VTI1A: variants seen among roughly 807,000 people sequenced by gnomAD.
VTI1A encodes the protein vesicle transport through interaction with t-SNAREs homolog 1A.
Under a neutral mutation model 34.9 loss-of-function variants are expected in VTI1A, and 22 were observed. The ratio of observed to expected loss-of-function variants is 0.63; its 90% CI spans 0.45 to 0.90. VTI1A has a LOEUF of 0.90. Ranked by LOEUF, VTI1A falls within the 40% of genes least tolerant of loss-of-function variation. VTI1A has a pLI of 0.00. For synonymous variants in VTI1A, 87 were observed against 97.3 expected, an observed-to-expected ratio of 0.89 and a Z score of 0.62; for missense variants, 268 against 275.6, an observed-to-expected ratio of 0.97 and a Z score of 0.20.
At chr10:112,602,416 A>G (rs539448660) in intron 5 of VTI1A, among the ~76,000 whole-genome samples, 3 of 152,354 alleles carry the variant, frequency 2.0e-5, no homozygotes, top group Admixed American at 6.5e-5. Context: ...GAAGCAGTCC[A>G]GGGCTTAAAT....
In VTI1A at chr10:112,582,931, T is replaced by C. The variant is rs577112001; in HGVS notation, c.427+44601T>C. Among the ~76,000 whole-genome samples, 14 of 152,192 alleles carry C rather than the reference T, an allele frequency of 9.2e-5. 1 individual carries two copies. The Middle Eastern group carries it at 0.02, about 222-fold the overall frequency. On this transcript the variant is annotated intron_variant, in intron 5 of 7. Coordinates refer to ENST00000393077, the MANE Select transcript of VTI1A (RefSeq NM_145206.4). ...GAAAATAAGACCCTCTAAATCTCCATCAGTGACCTGCCCAGCTTTACCACT... is the reference window on the plus strand; with the variant it reads ...GAAAATAAGACCCTCTAAATCTCCACCAGTGACCTGCCCAGCTTTACCACT...
At chr10:112,653,885 A>T (rs939723463) in intron 5 of VTI1A, among the ~76,000 whole-genome samples, 1 of 152,146 alleles carries the variant, frequency 6.6e-6, no homozygotes, top group Non-Finnish European at 1.5e-5. Context: ...CTTAGGTGGA[A>T]GTTTGGTAAA....
At chr10:112,803,929 T>C (rs879540482) in intron 7 of VTI1A, among the ~76,000 whole-genome samples, 1 of 152,166 alleles carries the variant, frequency 6.6e-6, no homozygotes, top group Non-Finnish European at 1.5e-5. Flanking sequence ...TGAAGTGAGC[T>C]GCCTTGATCC....
intron 7 of VTI1A, among the ~76,000 whole-genome samples, chr10:112,747,324 C>T (rs545432268): frequency 2.6e-5 from 4 of 152,308 alleles, no homozygotes; most frequent in African/African-American, 7.2e-5. Flanking sequence ...GAGAGTTCAT[C>T]GTTGTGCGAA....
intron 5 of VTI1A, among the ~76,000 whole-genome samples, chr10:112,555,997 A>G (rs906000394): frequency 6.6e-6 from 1 of 152,040 alleles, no homozygotes; most frequent in East Asian, 1.9e-4. Context: ...TAAGTAATCT[A>G]TAGCTCATGG....
intron 5 of VTI1A, among the ~76,000 whole-genome samples, chr10:112,541,653 T>C (rs1296765020): frequency 6.6e-6 from 1 of 152,254 alleles, no homozygotes; most frequent in Non-Finnish European, 1.5e-5. Context: ...TAATAAATAA[T>C]GAAATCCATC....
intron 5 of VTI1A, among the ~76,000 whole-genome samples, chr10:112,610,570 T>C (rs1661315951): frequency 6.6e-6 from 1 of 152,224 alleles, no homozygotes; most frequent in African/African-American, 2.4e-5. Flanking sequence ...TACATTTCTT[T>C]TGTTTTGCTT....
At chr10:112,619,966 G>A (rs1845664068) in intron 5 of VTI1A, among the ~76,000 whole-genome samples, 1 of 152,136 alleles carries the variant, frequency 6.6e-6, no homozygotes, top group African/African-American at 2.4e-5. Flanking sequence ...CCCCTGGGTT[G>A]TATTTTTAAC....
chr10:112,618,977 T>C (rs1845627741), intron 5 of VTI1A, among the ~76,000 whole-genome samples: 1 of 151,864 alleles, frequency 6.6e-6, no homozygotes, highest in Non-Finnish European at 1.5e-5. Flanking sequence ...TAATTAGCTG[T>C]CAGATAACAA....
Position 112,717,114 on chromosome 10 carries a change from A to T in VTI1A, c.560+48116A>T, listed in dbSNP as rs76698621. Among the ~76,000 whole-genome samples the T allele has an allele frequency of 1.4e-4, 21 of 152,336 alleles. No homozygotes were observed. In the East Asian group the frequency reaches 4.1e-3, roughly 29 times the overall value. On this transcript the variant is annotated intron_variant, in intron 7 of 7. Transcript: ENST00000393077. ...AAAATCTAGAGATTCCACCGAAGGGACATTGGCTCAGTGCTGAGAGTTGGA... is the reference window on the plus strand; with the variant it reads ...AAAATCTAGAGATTCCACCGAAGGGTCATTGGCTCAGTGCTGAGAGTTGGA...
chr10:112,548,911 C>A (rs1851239628), intron 5 of VTI1A: 1 of 997,764 alleles, frequency 1.0e-6, no homozygotes. Flanking sequence ...TTCTTCACAT[C>A]CACTGACATT....
intron 7 of VTI1A, among the ~76,000 whole-genome samples, chr10:112,758,305 C>G (rs1043394733): frequency 1.3e-5 from 2 of 152,124 alleles, no homozygotes. Context: ...TAAGGAGTAT[C>G]TCTCTATCTC....
chr10:112,684,083 A>T (rs1277654921), intron 7 of VTI1A, among the ~76,000 whole-genome samples: 1 of 152,036 alleles, frequency 6.6e-6, no homozygotes, highest in Non-Finnish European at 1.5e-5. Context: ...AGGGTAAAAA[A>T]CGTTATCAAG....
chr10:112,686,681 A>C (rs1413619456), intron 7 of VTI1A, among the ~76,000 whole-genome samples: 1 of 152,228 alleles, frequency 6.6e-6, no homozygotes, highest in Non-Finnish European at 1.5e-5. Context: ...ACTGCCTCGC[A>C]AAGTCAGCCA....
intron 5 of VTI1A, among the ~76,000 whole-genome samples, chr10:112,641,847 C>T (rs1268776435): frequency 6.6e-6 from 1 of 152,098 alleles, no homozygotes; most frequent in East Asian, 1.9e-4. Flanking sequence ...AGTCCACAGC[C>T]CAACTCCTGC....
intron 7 of VTI1A, among the ~76,000 whole-genome samples, chr10:112,795,853 C>T (rs747791018): frequency 6.6e-6 from 1 of 151,964 alleles, no homozygotes; most frequent in Non-Finnish European, 1.5e-5. Context: ...TAATAAGATA[C>T]GGTAATTCAA....
intron 7 of VTI1A, among the ~76,000 whole-genome samples, chr10:112,799,744 G>A (rs1852809622): frequency 6.6e-6 from 1 of 152,204 alleles, no homozygotes; most frequent in Non-Finnish European, 1.5e-5. Context: ...CTGCTTTGGG[G>A]TATGTGAAGT....
At chr10:112,583,303 A>T (rs918262442) in intron 5 of VTI1A, among the ~76,000 whole-genome samples, 4 of 151,922 alleles carry the variant, frequency 2.6e-5, no homozygotes, top group African/African-American at 9.7e-5. Flanking sequence ...CTTCTTTTTC[A>T]TTTTCTCAGG....
intron 5 of VTI1A, among the ~76,000 whole-genome samples, chr10:112,628,574 T>A (rs12412059): frequency 0.039 from 5,994 of 152,294 alleles, 269 homozygotes; most frequent in East Asian, 0.17. Flanking sequence ...CATGGTTTAA[T>A]AGTTGTTCAA....
Sources: allele counts gnomAD v4.1 joint callset (sites outside exome capture counted in the v4.1 genomes callset), GRCh38; gene constraint gnomAD v4.1.1; transcripts MANE v1.5; gene names NCBI Gene and HGNC (gene_info 2026-07-23, HGNC 2026-07-21).